Variants in ANKRD31 observed in about 807,000 individuals in gnomAD.
ANKRD31 encodes ankyrin repeat domain-containing protein 31.
A neutral mutation model predicts 186.0 loss-of-function variants in ANKRD31; 147 were observed. The observed-to-expected ratio is 0.79, with a 90% confidence interval of 0.69 to 0.91. The LOEUF is 0.91. Among genes scored for constraint, ANKRD31 ranks in the 40% least tolerant of loss-of-function variants. The pLI, the probability that ANKRD31 is intolerant of heterozygous loss-of-function variation, is 0.00. For synonymous variants in ANKRD31, 673 were observed against 736.4 expected (o/e 0.91, Z 1.39); for missense variants, 1,986 against 2,148.8 (o/e 0.92, Z 1.50).
chr5:75,068,667 G>A lies in ANKRD31; in HGVS notation c.5648-3C>T. ...TTGCATTGACTCTCTGGAAGTTCCT[G>A]TTTAAAGAAGTATCAACAAATTAAA... On this transcript the variant is annotated splice_polypyrimidine_tract_variant and splice_region_variant and intron_variant, in intron 25 of 25. Coordinates refer to ENST00000506364, the MANE Select transcript of ANKRD31 (RefSeq NM_001372053.1). The A allele has an allele frequency of 1.4e-6, 2 of 1,473,150 alleles. No homozygotes were observed. Among genetic ancestry groups the A allele is most frequent in the Non-Finnish European group, 1.8e-6 (2 of 1,118,856 alleles). 91.3% of individuals were successfully genotyped at this position (1,473,150 alleles called of 1,614,324 possible). A position where few individuals can be genotyped will look rare whatever the true frequency, so the allele number is the denominator to read the frequency against.
intron 11 of ANKRD31, among the ~76,000 whole-genome samples, chr5:75,162,624 T>G (rs530926175): frequency 2.6e-5 from 4 of 152,244 alleles, no homozygotes; most frequent in African/African-American, 9.6e-5. Context: ...GGGGTGGAAT[T>G]ACATGGTTTG....
At chr5:75,125,744 A>C (rs1471973706) in intron 17 of ANKRD31, among the ~76,000 whole-genome samples, 1 of 152,210 alleles carries the variant, frequency 6.6e-6, no homozygotes, top group African/African-American at 2.4e-5. Context: ...ATAGTCATCC[A>C]CAGGAAAAGT....
chr5:75,099,788 C>A (rs547603744), intron 22 of ANKRD31, among the ~76,000 whole-genome samples: 1 of 152,258 alleles, frequency 6.6e-6, no homozygotes, highest in East Asian at 1.9e-4. Context: ...TAACCTTGAT[C>A]ATTTTTTATT....
chr5:75,131,370 C>T (rs1028369526), intron 17 of ANKRD31, among the ~76,000 whole-genome samples: 2 of 152,184 alleles, frequency 1.3e-5, no homozygotes, highest in African/African-American at 2.4e-5. Context: ...ATATCCTGTG[C>T]ATGGGTCAGA....
At chr5:75,137,754 T>G in intron 17 of ANKRD31, 102 bp downstream of exon 17, 1 of 1,126,308 alleles carries the variant, frequency 8.9e-7, no homozygotes, top group Non-Finnish European at 1.1e-6. Flanking sequence ...AAAAATCACT[T>G]GTTTTACTGA....
chr5:75,074,633 C>T (rs578137342), intron 25 of ANKRD31, among the ~76,000 whole-genome samples: 16 of 148,304 alleles, frequency 1.1e-4, no homozygotes, highest in Non-Finnish European at 2.0e-4. Flanking sequence ...GAATACAGTA[C>T]CTGGTTGACA....
chr5:75,145,050 G>A lies in ANKRD31; in HGVS notation c.3425-879C>T, dbSNP rs556437236. Among the ~76,000 whole-genome samples the A allele has an allele frequency of 4.0e-4, 61 of 152,162 alleles. 1 individual carries two copies. The Middle Eastern group carries it at 0.017, about 42-fold the overall frequency. ...AAGCCACAATGAGACACCATCTCAC[G>A]CCAGTTAGAATGGCGATCATTAAAA... On this transcript the variant is annotated intron_variant, in intron 14 of 25. Transcript: ENST00000506364.
At chr5:75,187,637 T>C (rs1174899514) in intron 10 of ANKRD31, among the ~76,000 whole-genome samples, 1 of 152,064 alleles carries the variant, frequency 6.6e-6, no homozygotes, top group Non-Finnish European at 1.5e-5. Context: ...CAAATAAGAA[T>C]ACAAGGTTGA....
intron 12 of ANKRD31, among the ~76,000 whole-genome samples, chr5:75,149,584 A>T (rs1751712662): frequency 6.6e-6 from 1 of 151,914 alleles, no homozygotes; most frequent in African/African-American, 2.4e-5. Flanking sequence ...CTGGGGACTC[A>T]ATCCAGAGTT....
rs1751017236 is a variant in ANKRD31 at position 75,141,136 on chromosome 5, A to G, written c.3596-2153T>C. Among the ~76,000 whole-genome samples the G allele has an allele frequency of 2.0e-5, 3 of 152,150 alleles. No homozygotes were observed. The South Asian group carries it at 6.2e-4, about 32-fold the overall frequency. On this transcript the variant is annotated intron_variant, in intron 15 of 25. Coordinates refer to ENST00000506364, the MANE Select transcript of ANKRD31 (RefSeq NM_001372053.1). ...ACAATCTTCTTGCTCTACTTCCTAA[A>G]TGTCATCAACCATGCATATGGTTTC...
intron 2 of ANKRD31, among the ~76,000 whole-genome samples, chr5:75,229,958 G>A (rs1297607887): frequency 6.6e-6 from 1 of 151,542 alleles, no homozygotes; most frequent in African/African-American, 2.4e-5. Context: ...TGTTTGCATG[G>A]GTTTCCTGCA....
At chr5:75,143,795 A>C (rs1751227843) in intron 15 of ANKRD31, among the ~76,000 whole-genome samples, 1 of 152,192 alleles carries the variant, frequency 6.6e-6, no homozygotes. Flanking sequence ...GAAGTCATAG[A>C]AAGAAGTATG....
At chr5:75,092,830 T>A (rs1306157182) in intron 22 of ANKRD31, among the ~76,000 whole-genome samples, 1 of 151,952 alleles carries the variant, frequency 6.6e-6, no homozygotes, top group African/African-American at 2.4e-5. Context: ...TTCAAGGAAC[T>A]AAAGAAAACC....
chr5:75,179,913 C>T (rs144882026), intron 10 of ANKRD31, among the ~76,000 whole-genome samples: 2,705 of 152,084 alleles, frequency 0.018, 45 homozygotes, highest in Middle Eastern at 0.041. Flanking sequence ...AAATAAAGGG[C>T]ATTCAATTAG....
intron 17 of ANKRD31, among the ~76,000 whole-genome samples, chr5:75,123,847 G>A (rs1748988505): frequency 6.6e-6 from 1 of 151,920 alleles, no homozygotes; most frequent in Non-Finnish European, 1.5e-5. Flanking sequence ...AAAACTTAGG[G>A]AAAACTCTTC....
chr5:75,169,202 G>T, intron 10 of ANKRD31, 81 bp from the exon 11 acceptor site: 1 of 1,429,486 alleles, frequency 7.0e-7, no homozygotes, highest in South Asian at 1.4e-5. Context: ...AAACAACTTT[G>T]ATTCTAAGTT....
Position 75,139,356 on chromosome 5 carries a change from A to G in ANKRD31, c.3596-373T>C, listed in dbSNP as rs760190287. Among the ~76,000 whole-genome samples, 7 of 152,202 alleles carry G rather than the reference A, an allele frequency of 4.6e-5. No individual in the cohort carries two copies. The East Asian group carries it at 7.7e-4, about 17-fold the overall frequency. On this transcript the variant is annotated intron_variant, in intron 15 of 25. Transcript: ENST00000506364. ...CTTTCTACAGCCATTCTGTATCTCA[A>G]TGGGTGTATTCCTGATCACATAGGT...
Position 75,230,644 on chromosome 5 carries a change from T to C in ANKRD31, c.105-9A>G, listed in dbSNP as rs1757891089. ...CTTGATCAAACAGCAACCTTTCAAA[T>C]ACCAAAAGGGAAGGCACAAGTTGTT... On this transcript the variant is annotated splice_polypyrimidine_tract_variant and intron_variant, in intron 1 of 25. Transcript: ENST00000506364. 2.0e-6 allele frequency: 3 copies of C among 1,508,674 alleles called. No homozygotes were observed. Among genetic ancestry groups the C allele is most frequent in the South Asian group, 1.2e-5 (1 of 82,796 alleles). 93.5% of individuals were successfully genotyped at this position (1,508,674 alleles called of 1,614,324 possible).
intron 23 of ANKRD31, among the ~76,000 whole-genome samples, chr5:75,086,028 C>T (rs542118692): frequency 7.9e-5 from 12 of 152,286 alleles, no homozygotes; most frequent in Non-Finnish European, 1.8e-4. Context: ...AGAGGAGAGG[C>T]CCCTGAATGC....
Sources: gnomAD v4.1 joint callset for allele counts (sites outside exome capture counted in the v4.1 genomes callset) on GRCh38, gnomAD v4.1.1 for gene constraint, MANE v1.5 for transcripts, NCBI Gene and HGNC (gene_info 2026-07-23, HGNC 2026-07-21) for gene names.